FHIP2B: variants seen among roughly 807,000 people sequenced by gnomAD.
FHIP2B encodes FHF complex subunit HOOK interacting protein 2B, also known as FHF complex subunit HOOK-interacting protein 2B.
A neutral mutation model predicts 84.0 loss-of-function variants in FHIP2B; 72 were observed. That is an observed-to-expected ratio of 0.86 (90% CI 0.71 to 1.04). FHIP2B has a LOEUF of 1.04. Among genes scored for constraint, FHIP2B ranks in the 50% least tolerant of loss-of-function variants. The pLI, the probability that FHIP2B is intolerant of heterozygous loss-of-function variation, is 0.00. For missense variants in FHIP2B, 972 were observed against 968.9 expected (o/e 1.00, Z -0.04); for synonymous variants, 497 against 418.7 (o/e 1.19, Z -2.28).
rs377052952 is a variant in FHIP2B at position 22,097,705 on chromosome 8, G to A, written c.403-12G>A. On this transcript the variant is annotated splice_polypyrimidine_tract_variant and intron_variant, in intron 4 of 16. Coordinates refer to ENST00000289921, the MANE Select transcript of FHIP2B (RefSeq NM_022749.7). ...CCCTCTCCCCTCTGTTTCTGTCCTG[G>A]TGCTCTTCCAGAAACTCCTCCGACT... is the stretch of plus-strand genomic sequence containing the variant. 1.9e-6 allele frequency: 3 copies of A among 1,612,400 alleles called. No individual in the cohort carries two copies. The highest frequency in any genetic ancestry group is 2.2e-5 in the East Asian group (1 of 44,878).
chr8:22,102,590 G>A lies in FHIP2B; in HGVS notation c.2055G>A (p.Leu685=), dbSNP rs1265436421. ...RVPQFPGKLL[L]VRKQLTGQAP... ...CCCAGTTCCCAGGCAAGCTGCTCCT[G>A]GTGCGCAAGCAGTTGACGGGCCAGG... The change falls in exon 16 of 17, where the codon CTG becomes CTA. Residue 685 remains leucine, a synonymous_variant. Transcript: ENST00000289921. 1.3e-6 allele frequency: 2 copies of A among 1,564,538 alleles called. No homozygotes were observed. Among genetic ancestry groups the A allele is most frequent in the Admixed American group, 1.9e-5 (1 of 52,454 alleles).
At chr8:22,098,761 C>G in intron 7 of FHIP2B, 142 bp downstream of exon 7, 12 of 1,034,592 alleles carry the variant, frequency 1.2e-5, no homozygotes, top group Non-Finnish European at 1.7e-5. Flanking sequence ...AGCTGATCCC[C>G]AGGGGACTTC....
chr8:22,100,274 C>T (rs1826030611), intron 10 of FHIP2B: 1 of 382,492 alleles, frequency 2.6e-6, no homozygotes, highest in African/African-American at 2.1e-5. Context: ...ACTTGGCTCG[C>T]TGGAAGGCTA....
chr8:22,096,006 T>C (rs374692219), intron 2 of FHIP2B: 94 of 198,202 alleles, frequency 4.7e-4, no homozygotes, highest in African/African-American at 2.1e-3. Flanking sequence ...GGCCCAGAGC[T>C]GACAGCAGCC....
At chr8:22,094,363 G>C in intron 1 of FHIP2B, 77 bp from the exon 2 acceptor site, 8 of 1,443,196 alleles carry the variant, frequency 5.5e-6, no homozygotes, top group Non-Finnish European at 7.4e-6. Flanking sequence ...CTGACACTCA[G>C]AATATCTGTT....
chr8:22,090,596 T>G (rs1825438159), intron 1 of FHIP2B, among the ~76,000 whole-genome samples: 1 of 152,188 alleles, frequency 6.6e-6, no homozygotes, highest in Non-Finnish European at 1.5e-5. Flanking sequence ...GCCAGACAGT[T>G]CCTCAGTCCT....
intron 1 of FHIP2B, among the ~76,000 whole-genome samples, chr8:22,092,870 C>T (rs921422381): frequency 6.6e-6 from 1 of 152,210 alleles, no homozygotes; most frequent in African/African-American, 2.4e-5. Flanking sequence ...CTACTTTCCA[C>T]CTCTCCTGCG....
chr8:22,089,393 G>C, intron 1 of FHIP2B, 95 bp downstream of exon 1: 8 of 733,778 alleles, frequency 1.1e-5, no homozygotes, highest in African/African-American at 1.9e-5. Flanking sequence ...AGGAGGGCGG[G>C]CGGGCGCGGG....
chr8:22,099,247 A>C, intron 8 of FHIP2B, 37 bp from the exon 9 acceptor site: 1 of 1,609,390 alleles, frequency 6.2e-7, no homozygotes, highest in Non-Finnish European at 8.5e-7. Flanking sequence ...TGGAATTGTA[A>C]TGAGGGCAAA....
At position 22,097,679 on chromosome 8, in the gene FHIP2B, C is replaced by T. The variant is rs1333490877; in HGVS notation, c.403-38C>T. 4.4e-6 allele frequency: 7 copies of T among 1,609,098 alleles called. No homozygotes were observed. The East Asian group carries it at 1.6e-4, about 36-fold the overall frequency. On this transcript the variant is annotated intron_variant, in intron 4 of 16. Coordinates refer to ENST00000289921, the MANE Select transcript of FHIP2B (RefSeq NM_022749.7). ...GTGAGGCCCCCTCTCTCCCCTGCCA[C>T]CCCTCTCCCCTCTGTTTCTGTCCTG...
intron 12 of FHIP2B, 101 bp from the exon 13 acceptor site, chr8:22,101,339 G>C: frequency 1.6e-6 from 1 of 626,430 alleles, no homozygotes; most frequent in Middle Eastern, 3.8e-4. Flanking sequence ...TTACTCTTTG[G>C]CCACAGCCCT....
intron 15 of FHIP2B, 28 bp from the exon 16 acceptor site, chr8:22,102,500 T>C (rs577866966): frequency 6.5e-7 from 1 of 1,548,706 alleles, no homozygotes; most frequent in South Asian, 1.2e-5. Context: ...GCTGGCCCCA[T>C]CTGAGTCCCC....
rs1453169896 is a variant in FHIP2B, at chr8:22,099,321, ACTT to A, written c.1117_1119del (p.Phe373del). The stretch of plus-strand genomic sequence containing the variant: ...GCCTTGGCGAAGGCTGTGGCTGAGA[ACTT>A]CTTCGTGGAGACCCTGCAGCCCCAG... On this transcript the variant is annotated inframe_deletion, in exon 9 of 17. Coordinates refer to ENST00000289921, the MANE Select transcript of FHIP2B (RefSeq NM_022749.7). 6 of 1,613,668 alleles carry A rather than the reference ACTT, an allele frequency of 3.7e-6. No individual in the cohort carries two copies. The African/African-American group carries it at 5.3e-5, about 14-fold the overall frequency.
chr8:22,096,227 C>A, intron 2 of FHIP2B, 110 bp from the exon 3 acceptor site: 1 of 1,095,318 alleles, frequency 9.1e-7, no homozygotes, highest in Non-Finnish European at 1.3e-6. Flanking sequence ...CTTCCCCCAC[C>A]TCTCCCAGAC....
intron 7 of FHIP2B, 103 bp downstream of exon 7, chr8:22,098,722 C>T (rs770266193): frequency 4.8e-6 from 6 of 1,238,212 alleles, no homozygotes; most frequent in Non-Finnish European, 5.5e-6. Flanking sequence ...GCTAGGGACC[C>T]CTGCTGGCCA....
chr8:22,091,003 C>T (rs1461705850), intron 1 of FHIP2B, among the ~76,000 whole-genome samples: 2 of 152,110 alleles, frequency 1.3e-5, no homozygotes, highest in Non-Finnish European at 2.9e-5. Context: ...TCTTTTTAGG[C>T]AGGTGATCTT....
chr8:22,102,647 A>C lies in FHIP2B; in HGVS notation c.2093+19A>C. ...GGGAGCAGTGAGTACCAAGGGTGCC[A>C]GGTGAAGCCTTGGGGTGGGAGAGTG... On this transcript the variant is annotated intron_variant, in intron 16 of 16. Transcript: ENST00000289921. 1 of 1,564,008 alleles carries C rather than the reference A, an allele frequency of 6.4e-7. No individual in the cohort carries two copies.
At chr8:22,099,491 T>C in intron 9 of FHIP2B, 131 bp downstream of exon 9, 1 of 1,147,380 alleles carries the variant, frequency 8.7e-7, no homozygotes. Flanking sequence ...TTGGGTGATG[T>C]TTGCCAGGCC....
At chr8:22,102,121 A>G (rs1586347936) in intron 14 of FHIP2B, 54 bp from the exon 15 acceptor site, 2 of 1,612,046 alleles carry the variant, frequency 1.2e-6, no homozygotes, top group East Asian at 4.5e-5. Context: ...GGGGGAGTGC[A>G]AAAATACTCA....
Sources: gnomAD v4.1 joint callset for allele counts (sites outside exome capture counted in the v4.1 genomes callset) on GRCh38, gnomAD v4.1.1 for gene constraint, MANE v1.5 for transcripts, NCBI Gene and HGNC (gene_info 2026-07-23, HGNC 2026-07-21) for gene names.